The following NPAS3 variants were observed in gnomAD, a reference collection of about 807,000 sequenced individuals.
NPAS3 encodes neuronal PAS domain protein 3.
In NPAS3, 14 loss-of-function variants were observed where a neutral mutation model predicts 73.1. The ratio of observed to expected loss-of-function variants is 0.19; its 90% CI spans 0.13 to 0.30. The LOEUF (loss-of-function observed/expected upper bound fraction) is 0.30. Among genes scored for constraint, NPAS3 ranks in the 10% least tolerant of loss-of-function variants. The probability of loss-of-function intolerance (pLI) is 1.00; values close to 1 mark genes in which losing one functional copy is unlikely to be tolerated. For synonymous variants in NPAS3, 620 were observed against 541.5 expected (o/e 1.14, Z -2.01); for missense variants, 1,096 against 1,250.0 (o/e 0.88, Z 1.86).
intron 4 of NPAS3, among the ~76,000 whole-genome samples, chr14:33,460,436 TGGTAACTAGGCAA>T (rs1329565132): frequency 1.3e-5 from 2 of 152,210 alleles, no homozygotes; most frequent in Non-Finnish European, 2.9e-5. Flanking sequence ...TTTCTAAATA[TGGTAACTAGGCAA>T]CTCCATGTTA....
chr14:33,593,711 CAT>C (rs1468275386), intron 5 of NPAS3, among the ~76,000 whole-genome samples: 1 of 152,324 alleles, frequency 6.6e-6, no homozygotes, highest in African/African-American at 2.4e-5. Context: ...AAGAAAGTAG[CAT>C]ATTTAAATTA....
intron 4 of NPAS3, among the ~76,000 whole-genome samples, chr14:33,513,142 G>T (rs1346246149): frequency 6.6e-6 from 1 of 152,000 alleles, no homozygotes; most frequent in African/African-American, 2.4e-5. Flanking sequence ...GGGTTGTGGG[G>T]CACCTAGCCA....
At chr14:33,234,793 A>T (rs1420151831) in intron 3 of NPAS3, among the ~76,000 whole-genome samples, 1 of 152,040 alleles carries the variant, frequency 6.6e-6, no homozygotes, top group African/African-American at 2.4e-5. Flanking sequence ...ATTCCAGTAG[A>T]CTTCAAGCTT....
At chr14:33,345,106 C>T (rs946964814) in intron 3 of NPAS3, among the ~76,000 whole-genome samples, 14 of 152,172 alleles carry the variant, frequency 9.2e-5, no homozygotes, top group African/African-American at 3.4e-4. Context: ...ATGGATGTGG[C>T]AAAGGAGTGT....
At chr14:33,200,326 T>C (rs1480501028) in intron 2 of NPAS3, among the ~76,000 whole-genome samples, 1 of 152,088 alleles carries the variant, frequency 6.6e-6, no homozygotes, top group Non-Finnish European at 1.5e-5. Flanking sequence ...AAGTTTAACT[T>C]TGATAGTTTA....
chr14:33,686,000 T>C (rs1216707865), intron 6 of NPAS3, among the ~76,000 whole-genome samples: 4 of 152,200 alleles, frequency 2.6e-5, no homozygotes, highest in Non-Finnish European at 4.4e-5. Flanking sequence ...TATCATAGAC[T>C]ATTTATACAT....
chr14:33,187,678 A>G (rs980087066), intron 2 of NPAS3, among the ~76,000 whole-genome samples: 6 of 152,172 alleles, frequency 3.9e-5, no homozygotes, highest in African/African-American at 1.4e-4. Context: ...CTGCACTGCA[A>G]CCTGGGCAAC....
At chr14:33,510,022 C>G (rs904981723) in intron 4 of NPAS3, among the ~76,000 whole-genome samples, 11 of 152,010 alleles carry the variant, frequency 7.2e-5, no homozygotes, top group African/African-American at 2.7e-4. Context: ...TCCCCTCCCC[C>G]AGCACGCCCC....
intron 5 of NPAS3, among the ~76,000 whole-genome samples, chr14:33,569,885 T>A (rs1305060527): frequency 6.6e-6 from 1 of 152,234 alleles, no homozygotes; most frequent in Non-Finnish European, 1.5e-5. Flanking sequence ...AAAATGTGAA[T>A]GATAGTGCTA....
At chr14:33,308,819 A>G (rs1471451926) in intron 3 of NPAS3, among the ~76,000 whole-genome samples, 2 of 152,126 alleles carry the variant, frequency 1.3e-5, no homozygotes, top group Non-Finnish European at 2.9e-5. Flanking sequence ...TTTTAAATAA[A>G]CAAATGCAAT....
intron 2 of NPAS3, among the ~76,000 whole-genome samples, chr14:33,120,666 G>A (rs149822676): frequency 8.5e-5 from 13 of 152,224 alleles, no homozygotes; most frequent in African/African-American, 2.9e-4. Flanking sequence ...TATTAGAAAT[G>A]TATAATCTCA....
At chr14:33,341,040 C>T (rs998868485) in intron 3 of NPAS3, among the ~76,000 whole-genome samples, 1 of 152,194 alleles carries the variant, frequency 6.6e-6, no homozygotes, top group African/African-American at 2.4e-5. Context: ...GTATGTAATA[C>T]ATAGTTGAAC....
chr14:33,260,928 AG>A (rs2048953365), intron 3 of NPAS3, among the ~76,000 whole-genome samples: 1 of 152,156 alleles, frequency 6.6e-6, no homozygotes, highest in Non-Finnish European at 1.5e-5. Context: ...AGCCTTTCAG[AG>A]TTTTCAAAAT....
chr14:33,635,261 G>T (rs2058483084), intron 5 of NPAS3, among the ~76,000 whole-genome samples: 1 of 152,216 alleles, frequency 6.6e-6, no homozygotes, highest in East Asian at 1.9e-4. Flanking sequence ...AGAATTAGCA[G>T]ATTGGTGGAG....
intron 4 of NPAS3, among the ~76,000 whole-genome samples, chr14:33,481,630 G>A (rs2051328722): frequency 6.6e-6 from 1 of 152,082 alleles, no homozygotes; most frequent in African/African-American, 2.4e-5. Flanking sequence ...CATTATGCAA[G>A]AGGTTGAAAC....
intron 3 of NPAS3, among the ~76,000 whole-genome samples, chr14:33,342,954 A>G (rs1203841862): frequency 2.0e-5 from 3 of 152,090 alleles, no homozygotes; most frequent in African/African-American, 7.2e-5. Context: ...GTCACGAGGC[A>G]TTGGCTGTCC....
intron 4 of NPAS3, among the ~76,000 whole-genome samples, chr14:33,527,613 A>G (rs1434932559): frequency 6.6e-6 from 1 of 152,164 alleles, no homozygotes; most frequent in Non-Finnish European, 1.5e-5. Flanking sequence ...GAGATAATAA[A>G]TGCATGGTCA....
intron 7 of NPAS3, among the ~76,000 whole-genome samples, chr14:33,772,354 A>G (rs773649466): frequency 1.3e-5 from 2 of 152,092 alleles, no homozygotes; most frequent in Non-Finnish European, 2.9e-5. Flanking sequence ...ACTGGACCCA[A>G]CTTTGGCCCC....
intron 2 of NPAS3, among the ~76,000 whole-genome samples, chr14:33,142,023 C>T (rs183636344): frequency 6.6e-6 from 1 of 152,138 alleles, no homozygotes; most frequent in Non-Finnish European, 1.5e-5. Context: ...ATTTTTATCA[C>T]TTATTTCTTT....
Sources: gnomAD v4.1 joint callset for allele counts (sites outside exome capture counted in the v4.1 genomes callset) on GRCh38, gnomAD v4.1.1 for gene constraint, MANE v1.5 for transcripts, NCBI Gene and HGNC (gene_info 2026-07-23, HGNC 2026-07-21) for gene names.